DNAJC7: variants seen among roughly 807,000 people sequenced by gnomAD.
DNAJC7 encodes dnaJ homolog subfamily C member 7.
In DNAJC7, 18 loss-of-function variants were observed where a neutral mutation model predicts 67.4. The observed-to-expected ratio is 0.27, with a 90% CI of 0.18 to 0.40. The LOEUF is 0.40. Among genes scored for constraint, DNAJC7 ranks in the 10% least tolerant of loss-of-function variants. The pLI is 1.00. For missense variants in DNAJC7, 419 were observed against 613.8 expected, an observed-to-expected ratio of 0.68 and a Z score of 3.35; for synonymous variants, 220 against 207.8, an observed-to-expected ratio of 1.06 and a Z score of -0.50.
chr17:41,993,541 T>C (rs1333789064), intron 5 of DNAJC7, among the ~76,000 whole-genome samples: 4 of 152,152 alleles, frequency 2.6e-5, no homozygotes, highest in Non-Finnish European at 4.4e-5. Flanking sequence ...AATTCCCACA[T>C]ATGAAGTGAC....
intron 5 of DNAJC7, among the ~76,000 whole-genome samples, chr17:41,991,298 T>C (rs1555647739): frequency 6.6e-6 from 1 of 152,056 alleles, no homozygotes; most frequent in African/African-American, 2.4e-5. Flanking sequence ...CAGGAAGAGA[T>C]AAACTCTGAA....
chr17:41,984,294 G>C (rs1220348956), intron 9 of DNAJC7: 2 of 151,454 alleles, frequency 1.3e-5, no homozygotes, highest in African/African-American at 2.4e-5. Context: ...GGATGATTGC[G>C]AGATCTTTTT....
chr17:42,003,173 T>A (rs782506284), intron 1 of DNAJC7, among the ~76,000 whole-genome samples: 1 of 152,214 alleles, frequency 6.6e-6, no homozygotes, highest in East Asian at 1.9e-4. Context: ...AACTGCCTCA[T>A]GAAAAGGACT....
Position 42,017,407 on chromosome 17 carries a change from C to A in DNAJC7, c.10G>T (p.Ala4Ser). Residue 4 changes from alanine to serine, a missense_variant, in exon 1 of 14, where the codon GCC becomes TCC. By Grantham distance (99) the Ala-to-Ser change is moderately conservative. Coordinates refer to ENST00000457167, the MANE Select transcript of DNAJC7 (RefSeq NM_003315.4). MAA[A>S]AECDVVMAAT... ...GCCATTACCACATCGCACTCCGCGG[C>A]AGCCGCCATCTTACCGCCGGGACCA... 1 of 1,608,182 alleles carries A rather than the reference C, an allele frequency of 6.2e-7. No homozygotes were observed.
In DNAJC7 at chr17:41,977,216, T is replaced by C. The variant is rs562299847; in HGVS notation, c.1447+45A>G. 10 of 1,552,118 alleles carry C rather than the reference T, an allele frequency of 6.4e-6. No homozygotes were observed. In the Admixed American group the frequency reaches 1.9e-4, roughly 30 times the overall value. On this transcript the variant is annotated intron_variant, in intron 13 of 13. Coordinates refer to ENST00000457167, the MANE Select transcript of DNAJC7 (RefSeq NM_003315.4). The stretch of plus-strand genomic sequence containing the variant: ...AGCTGCCTAAGAGGCAATGAGTGTG[T>C]TGGCTTGTGATCTGGGAACTCCCAA...
At chr17:42,009,004 C>T (rs553092970) in intron 1 of DNAJC7, among the ~76,000 whole-genome samples, 27 of 152,284 alleles carry the variant, frequency 1.8e-4, no homozygotes, top group African/African-American at 5.5e-4. Context: ...GCCATCACGC[C>T]GGGCCATAGA....
intron 2 of DNAJC7, among the ~76,000 whole-genome samples, chr17:41,997,831 G>C (rs1333278433): frequency 6.6e-6 from 1 of 152,010 alleles, no homozygotes; most frequent in East Asian, 1.9e-4. Context: ...TAGGATTACA[G>C]GCATGTGCCA....
intron 4 of DNAJC7, among the ~76,000 whole-genome samples, chr17:41,996,003 C>G (rs2051647656): frequency 6.6e-6 from 1 of 152,190 alleles, no homozygotes; most frequent in South Asian, 2.1e-4. Context: ...GAGACAGGGT[C>G]TCACTAAGTC....
At chr17:41,991,229 G>A (rs1318673290) in intron 5 of DNAJC7, among the ~76,000 whole-genome samples, 1 of 152,130 alleles carries the variant, frequency 6.6e-6, no homozygotes, top group Non-Finnish European at 1.5e-5. Context: ...TAAATGAACC[G>A]AAGGACAAAT....
chr17:41,977,163 C>T (rs141817989), intron 13 of DNAJC7, 98 bp downstream of exon 13: 33 of 1,238,448 alleles, frequency 2.7e-5, no homozygotes, highest in South Asian at 1.5e-4. Flanking sequence ...CAGCTGCCCC[C>T]GCTCATGGGC....
chr17:42,005,822 T>A (rs1210854812), intron 1 of DNAJC7, among the ~76,000 whole-genome samples: 2 of 149,860 alleles, frequency 1.3e-5, no homozygotes, highest in Non-Finnish European at 3.0e-5. Flanking sequence ...CTCACTGCAA[T>A]CCCCACCTCC....
rs1212437253 is a variant in DNAJC7, at chr17:42,000,540, A to G, written c.108T>C (p.Asn36=). The change falls in exon 2 of 14, where the codon AAT becomes AAC. Residue 36 remains asparagine (N), a synonymous_variant. Coordinates refer to ENST00000457167, the MANE Select transcript of DNAJC7 (RefSeq NM_003315.4). ...TGTAATCTTTCTTGGCATAGTATGC[A>G]TTTCCTTGTTCCTTGAAAGTCTCTG... The part of the protein sequence containing the change: ...REAETFKEQG[N]AYYAKKDYNE... The G allele has an allele frequency of 1.2e-5, 19 of 1,612,194 alleles. No homozygotes were observed. The highest frequency in any genetic ancestry group is 1.6e-5 in the Non-Finnish European group (19 of 1,179,138).
intron 1 of DNAJC7, among the ~76,000 whole-genome samples, chr17:42,002,224 G>A (rs1555649582): frequency 6.6e-6 from 1 of 152,238 alleles, no homozygotes; most frequent in African/African-American, 2.4e-5. Context: ...TGAAGAAATG[G>A]AGTAGCAAAT....
intron 1 of DNAJC7, among the ~76,000 whole-genome samples, chr17:42,002,429 G>C (rs1555649597): frequency 6.6e-6 from 1 of 152,190 alleles, no homozygotes; most frequent in African/African-American, 2.4e-5. Flanking sequence ...GGTGCCCCTA[G>C]TCTCCTCCTT....
chr17:41,985,384 C>A (rs1555646611), intron 9 of DNAJC7: 1 of 150,440 alleles, frequency 6.6e-6, no homozygotes, highest in Non-Finnish European at 1.5e-5. Context: ...TTTGATACTG[C>A]ACTCCAGCCT....
At chr17:41,994,257 ACCC>A (rs1167404684) in intron 5 of DNAJC7, among the ~76,000 whole-genome samples, 1 of 151,842 alleles carries the variant, frequency 6.6e-6, no homozygotes, top group Non-Finnish European at 1.5e-5. Flanking sequence ...AATCGCTTGA[ACCC>A]GGGAGGCAGA....
At chr17:42,002,173 AG>A (rs2143281931) in intron 1 of DNAJC7, among the ~76,000 whole-genome samples, 1 of 152,344 alleles carries the variant, frequency 6.6e-6, no homozygotes, top group East Asian at 1.9e-4. Context: ...ATTTGAACAA[AG>A]GACTTCCCCA....
chr17:41,979,895 AGGTTGCAGTGAGTCGAGAT>A (rs2051202467), intron 12 of DNAJC7, among the ~76,000 whole-genome samples: 1 of 150,832 alleles, frequency 6.6e-6, no homozygotes, highest in African/African-American at 2.4e-5. Context: ...CTGGAGGCGG[AGGTTGCAGTGAGTCGAGAT>A]GGTGCCACTG....
chr17:41,983,404 C>A (rs1420996749), intron 10 of DNAJC7, among the ~76,000 whole-genome samples, 159 bp downstream of exon 10: 5 of 152,188 alleles, frequency 3.3e-5, no homozygotes, highest in Non-Finnish European at 7.3e-5. Context: ...GGATTACAGG[C>A]GTGAGCCACC....
Sources: allele counts gnomAD v4.1 joint callset (sites outside exome capture counted in the v4.1 genomes callset), GRCh38; gene constraint gnomAD v4.1.1; transcripts MANE v1.5; gene names NCBI Gene and HGNC (gene_info 2026-07-23, HGNC 2026-07-21).